Variants in NEK10 observed in about 807,000 individuals in gnomAD.
NEK10 encodes the protein serine/threonine-protein kinase Nek10.
A neutral mutation model predicts 159.8 loss-of-function variants in NEK10; 122 were observed. That is an observed-to-expected ratio of 0.76 (90% CI 0.66 to 0.89). The LOEUF is 0.89. Among genes scored for constraint, NEK10 ranks in the 40% least tolerant of loss-of-function variants. NEK10 has a pLI of 0.00. For missense variants in NEK10, 1,342 were observed against 1,323.1 expected, an observed-to-expected ratio of 1.01 and a Z score of -0.22; for synonymous variants, 466 against 457.1, an observed-to-expected ratio of 1.02 and a Z score of -0.25.
At chr3:27,236,235 T>A (rs143616225) in intron 23 of NEK10, among the ~76,000 whole-genome samples, 1 of 152,074 alleles carries the variant, frequency 6.6e-6, no homozygotes, top group East Asian at 1.9e-4. Flanking sequence ...AAATAATCTA[T>A]ATAACTAACA....
At chr3:27,212,032 T>C (rs1347814619) in intron 23 of NEK10, among the ~76,000 whole-genome samples, 1 of 152,198 alleles carries the variant, frequency 6.6e-6, no homozygotes, top group Admixed American at 6.5e-5. Context: ...GCTATGTCTA[T>C]CGATTAAAGA....
chr3:27,183,669 G>T (rs974590964), intron 26 of NEK10, among the ~76,000 whole-genome samples: 4 of 151,906 alleles, frequency 2.6e-5, no homozygotes, highest in Non-Finnish European at 4.4e-5. Context: ...CAAAATGTTT[G>T]CAATACATAT....
At chr3:27,318,513 G>C (rs1229154978) in intron 6 of NEK10, among the ~76,000 whole-genome samples, 1 of 152,210 alleles carries the variant, frequency 6.6e-6, no homozygotes, top group Non-Finnish European at 1.5e-5. Context: ...AATTAAAAGT[G>C]AGAAATTTTT....
At chr3:27,259,121 C>T (rs1266979294) in intron 22 of NEK10, among the ~76,000 whole-genome samples, 3 of 151,876 alleles carry the variant, frequency 2.0e-5, no homozygotes, top group Non-Finnish European at 2.9e-5. Flanking sequence ...GATATTAGCC[C>T]TTTGTCAGAT....
chr3:27,366,980 T>C lies in NEK10; in HGVS notation c.-38+2245A>G, dbSNP rs542063307. Among the ~76,000 whole-genome samples, 3 of 151,772 alleles carry C rather than the reference T, an allele frequency of 2.0e-5. No homozygotes were observed. In the East Asian group the frequency reaches 5.8e-4, roughly 29 times the overall value. On this transcript the variant is annotated intron_variant, in intron 1 of 35. Transcript: ENST00000691995. Reference sequence around the variant, plus strand: ...TGTGCGCCACCATGCCCAGCTAATTTTGTATTTTTTGTAGAGATGGGGTTT... The same window carrying C: ...TGTGCGCCACCATGCCCAGCTAATTCTGTATTTTTTGTAGAGATGGGGTTT...
At chr3:27,280,095 GAAAAAA>G (rs1203824501) in intron 22 of NEK10, among the ~76,000 whole-genome samples, 10 of 69,464 alleles carry the variant, frequency 1.4e-4, no homozygotes, top group African/African-American at 3.8e-4. Context: ...CCCTAAAATG[GAAAAAA>G]AAAAAAAAAA....
At chr3:27,234,188 G>A (rs1199407200) in intron 23 of NEK10, among the ~76,000 whole-genome samples, 3 of 151,972 alleles carry the variant, frequency 2.0e-5, no homozygotes, top group African/African-American at 7.2e-5. Context: ...AAACCTGGAA[G>A]CATTTTCCTT....
Position 27,144,751 on chromosome 3 carries a change from T to C in NEK10, c.2870-3169A>G, listed in dbSNP as rs186335375. Among the ~76,000 whole-genome samples the C allele has an allele frequency of 1.7e-4, 26 of 152,310 alleles. 1 individual carries two copies. In the East Asian group the frequency reaches 4.8e-3, roughly 28 times the overall value. On this transcript the variant is annotated intron_variant, in intron 30 of 35. Transcript: ENST00000691995. Reference sequence around the variant, plus strand: ...ATTATTAAAAAATTGAAACAGGGTCTCACTCTGTCACTCAGGCTGGAGTGC... The same window carrying C: ...ATTATTAAAAAATTGAAACAGGGTCCCACTCTGTCACTCAGGCTGGAGTGC...
chr3:27,202,376 A>G (rs1044085169), intron 24 of NEK10, 52 bp downstream of exon 24: 3 of 1,527,552 alleles, frequency 2.0e-6, no homozygotes, highest in Non-Finnish European at 2.7e-6. Flanking sequence ...AATAAGAAAA[A>G]GAATTGCATT....
intron 1 of NEK10, among the ~76,000 whole-genome samples, chr3:27,364,930 G>A (rs2048952125): frequency 6.6e-6 from 1 of 152,138 alleles, no homozygotes; most frequent in African/African-American, 2.4e-5. Context: ...TACCCTTACT[G>A]TCCCTAATTT....
intron 1 of NEK10, among the ~76,000 whole-genome samples, chr3:27,354,199 C>G (rs2048170403): frequency 6.6e-6 from 1 of 152,160 alleles, no homozygotes; most frequent in Non-Finnish European, 1.5e-5. Context: ...GCCGCAATGA[C>G]AAGCACAGGA....
At chr3:27,119,637 C>A in intron 33 of NEK10, 123 bp downstream of exon 33, 1 of 691,620 alleles carries the variant, frequency 1.4e-6, no homozygotes, top group Non-Finnish European at 2.4e-6. Flanking sequence ...CCAACTATTG[C>A]TATAAATAAT....
chr3:27,251,654 A>T (rs1211965555), intron 23 of NEK10, among the ~76,000 whole-genome samples: 1 of 152,226 alleles, frequency 6.6e-6, no homozygotes, highest in Non-Finnish European at 1.5e-5. Context: ...TCTTTTCTTT[A>T]TAAATTATCC....
At chr3:27,121,710 T>C (rs959459751) in intron 32 of NEK10, among the ~76,000 whole-genome samples, 1 of 152,270 alleles carries the variant, frequency 6.6e-6, no homozygotes, top group Non-Finnish European at 1.5e-5. Context: ...GGGTACGTAT[T>C]TATCAGCAGC....
chr3:27,122,903 T>C (rs1941502236), intron 32 of NEK10, among the ~76,000 whole-genome samples: 1 of 152,134 alleles, frequency 6.6e-6, no homozygotes, highest in Non-Finnish European at 1.5e-5. Context: ...CCAGTGCTTA[T>C]GTCACACTGG....
intron 23 of NEK10, among the ~76,000 whole-genome samples, chr3:27,217,697 A>G (rs1951672049): frequency 6.6e-6 from 1 of 152,170 alleles, no homozygotes; most frequent in South Asian, 2.1e-4. Flanking sequence ...AAATCACAAG[A>G]AAGAAAACAG....
At chr3:27,176,295 T>G (rs1295962397) in intron 26 of NEK10, among the ~76,000 whole-genome samples, 1 of 152,224 alleles carries the variant, frequency 6.6e-6, no homozygotes, top group East Asian at 1.9e-4. Flanking sequence ...TATTTTAACT[T>G]TGATTTTCCA....
intron 22 of NEK10, among the ~76,000 whole-genome samples, chr3:27,260,024 TG>T (rs2040257621): frequency 6.6e-6 from 1 of 152,248 alleles, no homozygotes; most frequent in African/African-American, 2.4e-5. Flanking sequence ...TATGTTTTTC[TG>T]TTATTGGTGT....
chr3:27,308,569 G>C (rs1559475446), intron 10 of NEK10, among the ~76,000 whole-genome samples: 1 of 152,104 alleles, frequency 6.6e-6, no homozygotes, highest in Non-Finnish European at 1.5e-5. Context: ...ACAGATGTTT[G>C]AAAACGTTCT....
Sources: allele counts gnomAD v4.1 joint callset (sites outside exome capture counted in the v4.1 genomes callset), GRCh38; gene constraint gnomAD v4.1.1; transcripts MANE v1.5; gene names NCBI Gene and HGNC (gene_info 2026-07-23, HGNC 2026-07-21).